Variants in MAP3K4 observed in about 807,000 individuals in gnomAD.
MAP3K4 encodes mitogen-activated protein kinase kinase kinase 4.
A neutral mutation model predicts 185.6 loss-of-function variants in MAP3K4; 67 were observed. The observed-to-expected ratio is 0.36, with a 90% CI of 0.30 to 0.44. The LOEUF (loss-of-function observed/expected upper bound fraction) is 0.44. Among genes scored for constraint, MAP3K4 ranks in the 20% least tolerant of loss-of-function variants. MAP3K4 has a pLI of 1.00. For synonymous variants in MAP3K4, 702 were observed against 710.4 expected, an observed-to-expected ratio of 0.99 and a Z score of 0.19; for missense variants, 1,551 against 1,995.1, an observed-to-expected ratio of 0.78 and a Z score of 4.24.
chr6:161,102,836 A>G (rs899794044), intron 19 of MAP3K4, 57 bp downstream of exon 19: 8 of 1,178,278 alleles, frequency 6.8e-6, no homozygotes, highest in Non-Finnish European at 8.3e-6. Context: ...ACGATTACAC[A>G]TAAGGGGAGC....
intron 19 of MAP3K4, 48 bp downstream of exon 19, chr6:161,102,827 C>T (rs1416207877): frequency 2.8e-6 from 3 of 1,075,704 alleles, no homozygotes; most frequent in African/African-American, 1.7e-5. Flanking sequence ...AAAAAAAACA[C>T]GATTACACAT....
At chr6:161,004,952 C>T (rs1022912669) in intron 1 of MAP3K4, among the ~76,000 whole-genome samples, 1 of 152,084 alleles carries the variant, frequency 6.6e-6, no homozygotes, top group Non-Finnish European at 1.5e-5. Flanking sequence ...AGAGAAAACA[C>T]GATTTTAGTT....
chr6:161,031,212 T>C (rs1470519465), intron 1 of MAP3K4, among the ~76,000 whole-genome samples: 1 of 152,212 alleles, frequency 6.6e-6, no homozygotes, highest in African/African-American at 2.4e-5. Context: ...TTGTAATAAA[T>C]GCAGATCGGA....
chr6:161,086,482 A>G lies in MAP3K4; in HGVS notation c.2472+4A>G. 2 of 1,613,016 alleles carry G rather than the reference A, an allele frequency of 1.2e-6. No homozygotes were observed. The highest frequency in any genetic ancestry group is 1.7e-6 in the Non-Finnish European group (2 of 1,179,236). On this transcript the variant is annotated splice_donor_region_variant and intron_variant, in intron 8 of 26. Transcript: ENST00000392142. This position sits in a 1 kb window ranked among gnomAD's most constrained non-coding sequence, Gnocchi z 4.8. ...ATTTGCTAAAATGTTGAGAAAGGTG[A>G]GCTTGCAATCCTGATTAATTAGTAC...
In MAP3K4 at chr6:161,043,117, A is replaced by G. The variant is rs1405925071; in HGVS notation, c.344-5499A>G. Among the ~76,000 whole-genome samples, 2 of 152,328 alleles carry G rather than the reference A, an allele frequency of 1.3e-5. No individual in the cohort carries two copies. Among genetic ancestry groups the G allele is most frequent in the South Asian group, 2.1e-4 (1 of 4,824 alleles). On this transcript the variant is annotated intron_variant, in intron 2 of 26. Transcript: ENST00000392142. The surrounding 1 kb of genome is among the most constrained non-coding windows in gnomAD (Gnocchi z 4.3). ...GTAAAATGGTTACAAATCAGATTCA[A>G]TCTATATAGCTAGTGAAATGTTTGT...
chr6:161,089,667 A>G (rs1303442263), intron 11 of MAP3K4, among the ~76,000 whole-genome samples, 196 bp downstream of exon 11: 3 of 152,224 alleles, frequency 2.0e-5, no homozygotes, highest in South Asian at 2.1e-4. Context: ...GTAGAACTTT[A>G]TAATTGGAAA....
rs1290138744 is a variant in MAP3K4 at position 161,043,512 on chromosome 6, G to T, written c.344-5104G>T. Among the ~76,000 whole-genome samples the T allele has an allele frequency of 6.6e-6, 1 of 152,160 alleles. No homozygotes were observed. Among genetic ancestry groups the T allele is most frequent in the Non-Finnish European group, 1.5e-5 (1 of 68,042 alleles). On this transcript the variant is annotated intron_variant, in intron 2 of 26. Transcript: ENST00000392142. This position sits in a 1 kb window ranked among gnomAD's most constrained non-coding sequence, Gnocchi z 4.3. Reference sequence around the variant, plus strand: ...AAGGATGGTGTGGTGGCACCAACTTGGGCTAGGACCCCTGTTCTGACATTA... The same window carrying T: ...AAGGATGGTGTGGTGGCACCAACTTTGGCTAGGACCCCTGTTCTGACATTA...
chr6:161,034,554 AT>A lies in MAP3K4; in HGVS notation c.343+106del. 1 of 954,018 alleles carries A rather than the reference AT, an allele frequency of 1.0e-6. No homozygotes were observed. Among genetic ancestry groups the A allele is most frequent in the South Asian group, 2.0e-5 (1 of 49,114 alleles). 59.1% of individuals were successfully genotyped at this position (954,018 alleles called of 1,614,324 possible). A position where few individuals can be genotyped will look rare whatever the true frequency, so the allele number is the denominator to read the frequency against. ...TTCTTTTATTTTTAATTTGATTTTA[AT>A]GCTCCTGTAAAGTTCAATTTTTTTT... On this transcript the variant is annotated intron_variant, in intron 2 of 26. Transcript: ENST00000392142. This position sits in a 1 kb window ranked among gnomAD's most constrained non-coding sequence, Gnocchi z 4.4.
At chr6:161,029,768 G>C (rs146887469) in intron 1 of MAP3K4, among the ~76,000 whole-genome samples, 3 of 152,074 alleles carry the variant, frequency 2.0e-5, no homozygotes, top group Admixed American at 6.5e-5. Flanking sequence ...GGATGCTTAC[G>C]GTTAGTTAAT....
Position 161,117,257 on chromosome 6 carries a change from A to G in MAP3K4, c.*387A>G, listed in dbSNP as rs1778624044. On this transcript the variant is annotated 3_prime_UTR_variant, in exon 27 of 27. Coordinates refer to ENST00000392142, the MANE Select transcript of MAP3K4 (RefSeq NM_005922.4). ...TTTTAATCTCCTGTTTGTTGAGTGC[A>G]CTGACTGTGAAACCTTTACCTTTTT... 1 of 186,778 alleles carries G rather than the reference A, an allele frequency of 5.4e-6. No homozygotes were observed. The highest frequency in any genetic ancestry group is 1.1e-5 in the Non-Finnish European group (1 of 91,172). The allele number at this position is 186,778 out of a possible 1,614,324, so 11.6% of individuals were successfully genotyped here. A position where few individuals can be genotyped will look rare whatever the true frequency, so the allele number is the denominator to read the frequency against.
chr6:161,003,277 T>TCTC (rs10633081), intron 1 of MAP3K4, among the ~76,000 whole-genome samples: 141,395 of 152,112 alleles, frequency 0.93, 65,992 homozygotes, highest in African/African-American at 0.94. Flanking sequence ...AAAAGCATAT[T>TCTC]CTAAATTGTA....
rs745820530 is a variant in MAP3K4, at chr6:161,070,944, A to G, written c.1950+94A>G. 6.1e-6 allele frequency: 7 copies of G among 1,151,790 alleles called. No individual in the cohort carries two copies. Among genetic ancestry groups the G allele is most frequent in the South Asian group, 1.7e-5 (1 of 58,718 alleles). 71.3% of individuals were successfully genotyped at this position (1,151,790 alleles called of 1,614,324 possible). A position where few individuals can be genotyped will look rare whatever the true frequency, so the allele number is the denominator to read the frequency against. ...TTTGAGAGTTCCTTTTTTTTTCTTA[A>G]TTGTCGCAAATAGTGAAAAATGACT... On this transcript the variant is annotated intron_variant, in intron 4 of 26. Transcript: ENST00000392142. This position sits in a 1 kb window ranked among gnomAD's most constrained non-coding sequence, Gnocchi z 4.5.
chr6:161,098,370 G>A lies in MAP3K4; in HGVS notation c.3617G>A (p.Ser1206Asn), dbSNP rs1777671655. The change falls in exon 17 of 27, where the codon AGC becomes AAC. Residue 1206 changes from serine to asparagine, a missense_variant. Around this residue, in one of 16 missense-constraint regions of MAP3K4, gnomAD observed 272 missense variants for 301.2 expected, o/e 0.90. Transcript: ENST00000392142. The surrounding 1 kb of genome is among the most constrained non-coding windows in gnomAD (Gnocchi z 4.4). ...AAAAVAASRP[S>N]PSGGDSVLPK... ...GCTGCTGTTGCTGCCAGTCGGCCCA[G>A]CCCCTCTGGTGGTGACTCTGTGCTG... 1.2e-6 allele frequency: 2 copies of A among 1,613,646 alleles called. No individual in the cohort carries two copies. Among genetic ancestry groups the A allele is most frequent in the African/African-American group, 1.3e-5 (1 of 74,868 alleles).
chr6:161,015,486 C>G (rs1782050169), intron 1 of MAP3K4, among the ~76,000 whole-genome samples: 1 of 149,688 alleles, frequency 6.7e-6, no homozygotes, highest in Non-Finnish European at 1.5e-5. Flanking sequence ...GCCACCATCA[C>G]CACCACCACC....
chr6:161,050,427 G>A (rs1260818419), intron 3 of MAP3K4, among the ~76,000 whole-genome samples: 1 of 152,160 alleles, frequency 6.6e-6, no homozygotes, highest in Non-Finnish European at 1.5e-5. Context: ...AGCATGTCAA[G>A]TTTTGGTCAC....
rs1420950329 is a variant in MAP3K4, at chr6:161,048,490, C to A, written c.344-126C>A. The A allele has an allele frequency of 1.6e-6, 1 of 620,538 alleles. No individual in the cohort carries two copies. Among genetic ancestry groups the A allele is most frequent in the Non-Finnish European group, 2.7e-6 (1 of 372,562 alleles). The allele number at this position is 620,538 out of a possible 1,614,324, so 38.4% of individuals were successfully genotyped here. A position where few individuals can be genotyped will look rare whatever the true frequency, so the allele number is the denominator to read the frequency against. Reference sequence around the variant, plus strand: ...CCTTTAATTTTTAGGATATGGTATGCTTTTTTTTCTTCCATTAGCAGTCTG... The same window carrying A: ...CCTTTAATTTTTAGGATATGGTATGATTTTTTTTCTTCCATTAGCAGTCTG... On this transcript the variant is annotated intron_variant, in intron 2 of 26. Coordinates refer to ENST00000392142, the MANE Select transcript of MAP3K4 (RefSeq NM_005922.4). This position sits in a 1 kb window ranked among gnomAD's most constrained non-coding sequence, Gnocchi z 4.7.
chr6:161,022,962 T>G lies in MAP3K4; in HGVS notation c.153-11297T>G, dbSNP rs775305356. ...CTTCATAACTTAATGGGTAACAAAT[T>G]ACAGAGCTGATTGAAAACATAAACA... On this transcript the variant is annotated intron_variant, in intron 1 of 26. Transcript: ENST00000392142. The surrounding 1 kb of genome is among the most constrained non-coding windows in gnomAD (Gnocchi z 4.2). Among the ~76,000 whole-genome samples the G allele has an allele frequency of 5.3e-5, 8 of 152,206 alleles. No homozygotes were observed. The highest frequency in any genetic ancestry group is 8.8e-5 in the Non-Finnish European group (6 of 68,022).
intron 1 of MAP3K4, among the ~76,000 whole-genome samples, chr6:161,006,608 A>G (rs1365443319): frequency 6.6e-6 from 1 of 152,192 alleles, no homozygotes; most frequent in Non-Finnish European, 1.5e-5. Context: ...ATACTGAAGG[A>G]TGGCTGTACT....
At position 161,101,476 on chromosome 6, in the gene MAP3K4, A is replaced by G. The variant is rs945469506; in HGVS notation, c.3675-416A>G. The G allele has an allele frequency of 1.3e-5, 2 of 153,378 alleles. No homozygotes were observed. Among genetic ancestry groups the G allele is most frequent in the Non-Finnish European group, 2.9e-5 (2 of 68,882 alleles). 9.5% of individuals were successfully genotyped at this position (153,378 alleles called of 1,614,324 possible). ...TATTCACCCTGGGCTTAAGTTATGGAGCTTTTCACATGTCAGTAACATTTC... is the reference window on the plus strand; with the variant it reads ...TATTCACCCTGGGCTTAAGTTATGGGGCTTTTCACATGTCAGTAACATTTC... On this transcript the variant is annotated intron_variant, in intron 17 of 26. Transcript: ENST00000392142. This position sits in a 1 kb window ranked among gnomAD's most constrained non-coding sequence, Gnocchi z 5.1.
Sources: allele counts gnomAD v4.1 joint callset (sites outside exome capture counted in the v4.1 genomes callset), GRCh38; gene constraint gnomAD v4.1.1; regional missense constraint gnomAD v4.1.1; non-coding constraint Gnocchi (gnomAD v3.1); transcripts MANE v1.5; gene names NCBI Gene and HGNC (gene_info 2026-07-23, HGNC 2026-07-21).